The following ZFX variants were observed in gnomAD, a reference collection of about 807,000 sequenced individuals.
The protein encoded by ZFX is zinc finger protein X-linked, also known as zinc finger X-chromosomal protein.
For missense variants in ZFX, 362 were observed against 628.3 expected (o/e 0.58, Z 4.53); for synonymous variants, 196 against 226.8 (o/e 0.86, Z 1.22).
At position 24,212,108 on chromosome X, in the gene ZFX, C is replaced by G. The variant is rs1189467376; in HGVS notation, c.*732C>G. 2 of 112,517 alleles carry G rather than the reference C, an allele frequency of 1.8e-5. No individual in the cohort carries two copies. The highest frequency in any genetic ancestry group is 6.5e-5 in the African/African-American group (2 of 30,919). 9.3% of individuals were successfully genotyped at this position (112,517 alleles called of 1,213,427 possible). A position where few individuals can be genotyped will look rare whatever the true frequency, so the allele number is the denominator to read the frequency against. ...TATTTTGATTATTCTGTCTGTGCGG[C>G]TTCATCTTGGAATGGTTGTGTGCTA... On this transcript the variant is annotated 3_prime_UTR_variant, in exon 10 of 10. Coordinates refer to ENST00000304543, the MANE Select transcript of ZFX (RefSeq NM_003410.4).
At chrX:24,176,743 T>C (rs1191807701) in intron 4 of ZFX, among the ~76,000 whole-genome samples, 2 of 110,388 alleles carry the variant, frequency 1.8e-5, no homozygotes, top group Non-Finnish European at 3.8e-5. Flanking sequence ...TGATCATTTT[T>C]GGTTGTTGAT....
intron 5 of ZFX, among the ~76,000 whole-genome samples, chrX:24,183,333 C>T (rs1257557839): frequency 9.0e-6 from 1 of 110,977 alleles, no homozygotes; most frequent in Non-Finnish European, 1.9e-5. Flanking sequence ...TACAGGCACT[C>T]GCCACCATGC....
At chrX:24,153,654 CTG>C (rs1031964711) in intron 3 of ZFX, among the ~76,000 whole-genome samples, 1 of 111,771 alleles carries the variant, frequency 8.9e-6, no homozygotes, top group African/African-American at 3.3e-5. Context: ...CAGAAACTCT[CTG>C]TGCCTTCTCT....
In ZFX at chrX:24,161,721, T is replaced by C. The variant is rs1277129853; in HGVS notation, c.-29+8891T>C. 7.6e-5 allele frequency: 8 copies of C among 105,445 alleles called. No individual in the cohort carries two copies. In the East Asian group the frequency reaches 2.3e-3, roughly 31 times the overall value. 8.7% of individuals were successfully genotyped at this position (105,445 alleles called of 1,213,427 possible). ...TTTTTTTTTTTTTTTAAAGACAGTC[T>C]TCCTCTGTCATCCAGGCTGGAATGC... On this transcript the variant is annotated intron_variant, in intron 3 of 9. Coordinates refer to ENST00000304543, the MANE Select transcript of ZFX (RefSeq NM_003410.4).
chrX:24,183,078 G>T (rs1935809149), intron 5 of ZFX, among the ~76,000 whole-genome samples: 1 of 112,452 alleles, frequency 8.9e-6, no homozygotes, highest in African/African-American at 3.2e-5. Context: ...ATGGCAAAGG[G>T]TTGAAAAGCT....
At chrX:24,194,451 A>G (rs763736998) in intron 5 of ZFX, among the ~76,000 whole-genome samples, 1 of 111,442 alleles carries the variant, frequency 9.0e-6, no homozygotes, top group Non-Finnish European at 1.9e-5. Flanking sequence ...CATTAGGTTT[A>G]TTGGCATGTC....
At chrX:24,151,133 T>G (rs1411304185) in intron 1 of ZFX, among the ~76,000 whole-genome samples, 1 of 112,459 alleles carries the variant, frequency 8.9e-6, no homozygotes, top group African/African-American at 3.2e-5. Context: ...CTTTTTTGAT[T>G]GCACACTGTG....
chrX:24,164,355 C>T (rs1416528379), intron 3 of ZFX, among the ~76,000 whole-genome samples: 1 of 111,722 alleles, frequency 9.0e-6, no homozygotes, highest in African/African-American at 3.3e-5. Context: ...TAAAAATACC[C>T]CACAATTCTG....
At chrX:24,163,280 TACATGACGGATCATA>T in intron 3 of ZFX, among the ~76,000 whole-genome samples, 1 of 86,809 alleles carries the variant, frequency 1.2e-5, no homozygotes, top group Non-Finnish European at 2.2e-5. Context: ...TTTTTTTTTT[TACATGACGGATCATA>T]TTTGCGGATA....
At chrX:24,205,352 T>C (rs1218042555) in intron 5 of ZFX, among the ~76,000 whole-genome samples, 1 of 112,315 alleles carries the variant, frequency 8.9e-6, no homozygotes, top group South Asian at 3.7e-4. Context: ...TTCATTAGTC[T>C]TTGCCACACT....
At chrX:24,170,243 CCT>C (rs926850407) in intron 3 of ZFX, among the ~76,000 whole-genome samples, 5 of 107,609 alleles carry the variant, frequency 4.6e-5, no homozygotes, top group African/African-American at 1.7e-4. Context: ...GCAACCTCCA[CCT>C]CCCGGATTCA....
intron 8 of ZFX, 77 bp from the exon 9 acceptor site, chrX:24,208,823 T>C: frequency 2.0e-6 from 2 of 1,016,725 alleles, no homozygotes; most frequent in Non-Finnish European, 2.7e-6. Context: ...CTTTTCGTTG[T>C]TGTAGTTAAT....
At chrX:24,160,392 G>A (rs1034569116) in intron 3 of ZFX, among the ~76,000 whole-genome samples, 10 of 103,757 alleles carry the variant, frequency 9.6e-5, no homozygotes, top group Non-Finnish European at 1.7e-4. Flanking sequence ...TTTGCCTCCC[G>A]GGTTCAAGCG....
At chrX:24,209,095 C>A (rs1451504088) in intron 9 of ZFX, 55 bp downstream of exon 9, 1 of 1,208,228 alleles carries the variant, frequency 8.3e-7, no homozygotes, top group East Asian at 3.0e-5. Context: ...TCAGAGGAAA[C>A]TCTAGTATGT....
At chrX:24,184,010 C>T (rs2464545) in intron 5 of ZFX, among the ~76,000 whole-genome samples, 45,612 of 110,355 alleles carry the variant, frequency 0.41, 6,843 homozygotes, top group South Asian at 0.78. Context: ...ATCCATCTGC[C>T]TCAGCCTCCC....
chrX:24,191,305 G>A (rs1936508864), intron 5 of ZFX, among the ~76,000 whole-genome samples: 1 of 110,928 alleles, frequency 9.0e-6, no homozygotes, highest in Admixed American at 9.6e-5. Flanking sequence ...CCTTTGAATC[G>A]CTCTAGGAAT....
intron 7 of ZFX, 100 bp downstream of exon 7, chrX:24,207,955 C>G (rs1316187841): frequency 3.0e-5 from 30 of 1,006,115 alleles, no homozygotes; most frequent in Non-Finnish European, 4.1e-5. Flanking sequence ...GATTATTATG[C>G]TACTACATTC....
At chrX:24,173,285 G>A (rs1374498474) in intron 4 of ZFX, among the ~76,000 whole-genome samples, 2 of 111,432 alleles carry the variant, frequency 1.8e-5, no homozygotes, top group African/African-American at 6.5e-5. Context: ...CTAGCCTGCT[G>A]ATCAGAGTAC....
intron 3 of ZFX, among the ~76,000 whole-genome samples, chrX:24,160,298 CT>C (rs397966885): frequency 8.6e-4 from 72 of 84,129 alleles, no homozygotes; most frequent in Middle Eastern, 7.0e-3. Flanking sequence ...AATTGAAATG[CT>C]TTTTTTTTTT....
Sources: gnomAD v4.1 joint callset for allele counts (sites outside exome capture counted in the v4.1 genomes callset) on GRCh38, gnomAD v4.1.1 for gene constraint, MANE v1.5 for transcripts, NCBI Gene and HGNC (gene_info 2026-07-23, HGNC 2026-07-21) for gene names.